PCDHGA8: variants seen among roughly 807,000 people sequenced by gnomAD.
PCDHGA8 encodes protocadherin gamma-A8.
A neutral mutation model predicts 59.2 loss-of-function variants in PCDHGA8; 45 were observed. The observed-to-expected ratio is 0.76, with a 90% CI of 0.60 to 0.98. The LOEUF (loss-of-function observed/expected upper bound fraction) is 0.98, where lower values mean the gene tolerates loss of function less well. PCDHGA8 is among the 50% of genes least tolerant of loss of function. PCDHGA8 has a pLI of 0.00. For missense variants in PCDHGA8, 1,257 were observed against 1,196.2 expected, an observed-to-expected ratio of 1.05 and a Z score of -0.75; for synonymous variants, 531 against 519.0, an observed-to-expected ratio of 1.02 and a Z score of -0.32.
intron 1 of PCDHGA8, chr5:141,419,008 G>T: frequency 6.2e-7 from 1 of 1,613,978 alleles, no homozygotes; most frequent in Non-Finnish European, 8.5e-7. Flanking sequence ...GGGAAGTCAG[G>T]TGTAGCTTAA....
chr5:141,422,543 T>C lies in PCDHGA8; in HGVS notation c.2424+27306T>C, dbSNP rs2096655736. 1 of 1,613,882 alleles carries C rather than the reference T, an allele frequency of 6.2e-7. No homozygotes were observed. Among genetic ancestry groups the C allele is most frequent in the African/African-American group, 1.3e-5 (1 of 74,928 alleles). Reference sequence around the variant, plus strand: ...CCGCCTTTGTCTGCAGAAACTCATGTCTGGCTGAATGTGGCAGATGACAAC... The same window carrying C: ...CCGCCTTTGTCTGCAGAAACTCATGCCTGGCTGAATGTGGCAGATGACAAC... On this transcript the variant is annotated intron_variant, in intron 1 of 3. Coordinates refer to ENST00000398604, the MANE Select transcript of PCDHGA8 (RefSeq NM_032088.2).
Position 141,489,242 on chromosome 5 carries a change from T to C in PCDHGA8, c.2425-5565T>C. ...TCTCCACAAAGGGACTTCTGGGTCA[T>C]GGGGCCCAAGACACTCCCACAGCTC... On this transcript the variant is annotated intron_variant, in intron 1 of 3. Transcript: ENST00000398604. This position sits in a 1 kb window ranked among gnomAD's most constrained non-coding sequence, Gnocchi z 4.5. 6.5e-7 allele frequency: 1 copy of C among 1,534,502 alleles called. No individual in the cohort carries two copies. The highest frequency in any genetic ancestry group is 8.8e-7 in the Non-Finnish European group (1 of 1,141,994).
intron 1 of PCDHGA8, chr5:141,439,998 G>A (rs2098143949): frequency 6.5e-6 from 1 of 153,152 alleles, no homozygotes; most frequent in Non-Finnish European, 1.5e-5. Context: ...TTGGTGGTGG[G>A]AAACCTTGCC....
At chr5:141,509,081 A>G (rs1279221589) in intron 3 of PCDHGA8, among the ~76,000 whole-genome samples, 1 of 152,160 alleles carries the variant, frequency 6.6e-6, no homozygotes, top group African/African-American at 2.4e-5. Flanking sequence ...GATTTGCGAC[A>G]TGAAATGGGG....
chr5:141,423,288 C>T, intron 1 of PCDHGA8: 1 of 1,586,414 alleles, frequency 6.3e-7, no homozygotes, highest in African/African-American at 1.3e-5. Context: ...ACTCTGAAAC[C>T]TCAGACCTCT....
rs186109113 is a variant in PCDHGA8, at chr5:141,415,284, G to C, written c.2424+20047G>C. ...TGTACCTGGTGGTAGCGGTGGCCGCGGTCTCCTGCGTCTTCCTGGCCTTCG... is the reference window on the plus strand; with the variant it reads ...TGTACCTGGTGGTAGCGGTGGCCGCCGTCTCCTGCGTCTTCCTGGCCTTCG... On this transcript the variant is annotated intron_variant, in intron 1 of 3. Transcript: ENST00000398604. 4,314 of 1,614,198 alleles carry C rather than the reference G, an allele frequency of 2.7e-3. 11 individuals are homozygous for C. The highest frequency in any genetic ancestry group is 7.3e-3 in the Middle Eastern group (44 of 6,062).
At chr5:141,495,771 C>T (rs941051365) in intron 2 of PCDHGA8, among the ~76,000 whole-genome samples, 1 of 152,110 alleles carries the variant, frequency 6.6e-6, no homozygotes, top group Non-Finnish European at 1.5e-5. Flanking sequence ...TGTCCTTGTC[C>T]TGGACCTCTT....
At chr5:141,414,703 T>C in intron 1 of PCDHGA8, 1 of 1,613,994 alleles carries the variant, frequency 6.2e-7, no homozygotes. Flanking sequence ...CTCATACATA[T>C]CCATCAACTC....
intron 1 of PCDHGA8, chr5:141,413,489 G>A (rs937434384): frequency 1.9e-6 from 3 of 1,614,036 alleles, no homozygotes; most frequent in Admixed American, 1.7e-5. Context: ...CAGAGCGCGC[G>A]GTGCGTGGTG....
Position 141,393,204 on chromosome 5 carries a change from C to T in PCDHGA8, c.391C>T (p.Pro131Ser), listed in dbSNP as rs373432896. ...AATAATTGATATTAACGATAATAAC[C>T]CAAAATTCCAGGTCGAAGATCTAGA... ...IEIIDINDNN[P>S]KFQVEDLEVK... The change falls in exon 1 of 4, where the codon CCA (proline) becomes TCA (serine). Residue 131 changes from proline (P) to serine (S), a missense_variant. Transcript: ENST00000398604. 7 of 1,613,342 alleles carry T rather than the reference C, an allele frequency of 4.3e-6. No homozygotes were observed. The African/African-American group carries it at 9.3e-5, about 22-fold the overall frequency.
intron 1 of PCDHGA8, among the ~76,000 whole-genome samples, chr5:141,473,907 C>T (rs552055360): frequency 2.0e-4 from 30 of 152,220 alleles, no homozygotes; most frequent in African/African-American, 7.2e-4. Context: ...ATGAAGAGGT[C>T]TTAAGAAAAC....
intron 1 of PCDHGA8, chr5:141,417,879 A>G (rs2096177010): frequency 7.1e-6 from 11 of 1,559,306 alleles, no homozygotes; most frequent in South Asian, 2.3e-5. Flanking sequence ...AGCTGCGCGC[A>G]GAGGCGCCGG....
chr5:141,419,479 C>A, intron 1 of PCDHGA8: 2 of 1,612,390 alleles, frequency 1.2e-6, no homozygotes, highest in Non-Finnish European at 1.7e-6. Flanking sequence ...AGGGCTCGCC[C>A]GCGCTCAGCG....
At chr5:141,421,977 G>A in intron 1 of PCDHGA8, 1 of 1,609,542 alleles carries the variant, frequency 6.2e-7, no homozygotes, top group Admixed American at 1.7e-5. Context: ...TATATCGCGT[G>A]AGTGTTCCAG....
In PCDHGA8 at chr5:141,512,517, A is replaced by G. The variant is rs985434754; in HGVS notation, c.*1344A>G. ...GTCCCCAGTGCGCCCCCTAGTGGCC[A>G]TAGCCTGGTTAAAGTTCCCCAGTGC... On this transcript the variant is annotated 3_prime_UTR_variant, in exon 4 of 4. Coordinates refer to ENST00000398604, the MANE Select transcript of PCDHGA8 (RefSeq NM_032088.2). 3 of 152,938 alleles carry G rather than the reference A, an allele frequency of 2.0e-5. No individual in the cohort carries two copies. Among genetic ancestry groups the G allele is most frequent in the African/African-American group, 7.2e-5 (3 of 41,464 alleles). 9.5% of individuals were successfully genotyped at this position (152,938 alleles called of 1,614,324 possible).
chr5:141,487,512 C>T lies in PCDHGA8; in HGVS notation c.2425-7295C>T, dbSNP rs372606253. The stretch of plus-strand genomic sequence containing the variant: ...TGTACACCCTTGGCTTCTGCACCCA[C>T]TCGGAGTGATAGCTTCATGATGGTG... On this transcript the variant is annotated intron_variant, in intron 1 of 3. Transcript: ENST00000398604. This position sits in a 1 kb window ranked among gnomAD's most constrained non-coding sequence, Gnocchi z 5.0. 3.7e-6 allele frequency: 6 copies of T among 1,614,082 alleles called. No homozygotes were observed. The highest frequency in any genetic ancestry group is 5.1e-6 in the Non-Finnish European group (6 of 1,180,044).
rs2240700 is a variant in PCDHGA8 at position 141,393,821 on chromosome 5, G to T, written c.1008G>T (p.Ser336=). 0.14 allele frequency: 228,339 copies of T among 1,613,716 alleles called. 18,414 individuals are homozygous for T. Among genetic ancestry groups the T allele is most frequent in the African/African-American group, 0.32 (23,868 of 74,926 alleles). ...TGGGGAGGACCAAATTGCTCATTTC[G>T]GTGGAAGATGTAAATGACAATAGAC... ...ALLGRTKLLI[S]VEDVNDNRPE... Residue 336 remains serine, a synonymous_variant, in exon 1 of 4, where the codon TCG becomes TCT. Transcript: ENST00000398604.
chr5:141,397,978 C>T (rs2093593315), intron 1 of PCDHGA8: 3 of 1,261,604 alleles, frequency 2.4e-6, no homozygotes, highest in Admixed American at 2.8e-5. Flanking sequence ...CAGCGCCGGC[C>T]TTTACACCGC....
Position 141,431,297 on chromosome 5 carries a change from C to G in PCDHGA8, c.2424+36060C>G. Reference sequence around the variant, plus strand: ...GCTCAGCCCGAACACTCACTTCTCCCTCATCGTGCAAAATGGAGCCGACGG... The same window carrying G: ...GCTCAGCCCGAACACTCACTTCTCCGTCATCGTGCAAAATGGAGCCGACGG... On this transcript the variant is annotated intron_variant, in intron 1 of 3. Transcript: ENST00000398604. The surrounding 1 kb of genome is among the most constrained non-coding windows in gnomAD (Gnocchi z 4.8). The G allele has an allele frequency of 6.2e-7, 1 of 1,614,126 alleles. No individual in the cohort carries two copies. The highest frequency in any genetic ancestry group is 8.5e-7 in the Non-Finnish European group (1 of 1,180,036).
Sources: allele counts gnomAD v4.1 joint callset (sites outside exome capture counted in the v4.1 genomes callset), GRCh38; gene constraint gnomAD v4.1.1; non-coding constraint Gnocchi (gnomAD v3.1); transcripts MANE v1.5; gene names NCBI Gene and HGNC (gene_info 2026-07-23, HGNC 2026-07-21).